Variants in MYO7B observed in about 807,000 individuals in gnomAD.
The protein encoded by MYO7B is myosin VIIB.
MYO7B carries 212 observed loss-of-function variants against 259.7 expected under a neutral mutation model. That is an observed-to-expected ratio of 0.82 (90% CI 0.73 to 0.91). The LOEUF is 0.91. Among genes scored for constraint, MYO7B ranks in the 40% least tolerant of loss-of-function variants. The pLI, the probability that MYO7B is intolerant of heterozygous loss-of-function variation, is 0.00. For missense variants in MYO7B, 2,732 were observed against 2,813.5 expected (o/e 0.97, Z 0.66); for synonymous variants, 1,197 against 1,166.4 (o/e 1.03, Z -0.54).
chr2:127,608,458 G>A (rs896384832), intron 21 of MYO7B, among the ~76,000 whole-genome samples: 3 of 152,200 alleles, frequency 2.0e-5, no homozygotes, highest in African/African-American at 7.2e-5. Flanking sequence ...CTGAGGGTAG[G>A]GACAAGCCAG....
Position 127,629,874 on chromosome 2 carries a change from G to A in MYO7B, c.4806+48G>A. On this transcript the variant is annotated intron_variant, in intron 35 of 47. Coordinates refer to ENST00000409816, the MANE Select transcript of MYO7B (RefSeq NM_001393586.1). ...CTCAGCCTGGGTACCCGAGGTCAGGGTGGAGCAGTCCTGGGATGCCTAGTT... is the reference window on the plus strand; with the variant it reads ...CTCAGCCTGGGTACCCGAGGTCAGGATGGAGCAGTCCTGGGATGCCTAGTT... 3 of 1,512,492 alleles carry A rather than the reference G, an allele frequency of 2.0e-6. No individual in the cohort carries two copies. The South Asian group carries it at 4.0e-5, about 20-fold the overall frequency. 93.7% of individuals were successfully genotyped at this position (1,512,492 alleles called of 1,614,324 possible). A position where few individuals can be genotyped will look rare whatever the true frequency, so the allele number is the denominator to read the frequency against.
Position 127,627,094 on chromosome 2 carries a change from T to G in MYO7B, c.4333+2T>G. The stretch of plus-strand genomic sequence containing the variant: ...TCTTCGAAGTCATCACACTCTCAGG[T>G]AATGGCATCTGACAGGGGGCAGGGA... On this transcript the variant is annotated splice_donor_variant, in intron 32 of 47. Coordinates refer to ENST00000409816, the MANE Select transcript of MYO7B (RefSeq NM_001393586.1). LOFTEE classifies it high-confidence loss of function. This position sits in a 1 kb window ranked among gnomAD's most constrained non-coding sequence, Gnocchi z 5.6. 1 of 1,609,694 alleles carries G rather than the reference T, an allele frequency of 6.2e-7. No individual in the cohort carries two copies. Among genetic ancestry groups the G allele is most frequent in the South Asian group, 1.1e-5 (1 of 90,356 alleles).
chr2:127,541,028 G>T (rs1692984404), intron 1 of MYO7B, among the ~76,000 whole-genome samples: 1 of 152,156 alleles, frequency 6.6e-6, no homozygotes, highest in Non-Finnish European at 1.5e-5. Flanking sequence ...CTATAATGTG[G>T]GATATCTCTC....
At position 127,631,633 on chromosome 2, in the gene MYO7B, G is replaced by C; in HGVS notation, c.5129G>C (p.Arg1710Pro). Residue 1710 changes from arginine (R) to proline (P), a missense_variant, in exon 38 of 48, where the codon CGG becomes CCG. Arg to Pro is a moderately radical substitution (Grantham distance 103, BLOSUM62 -2). Transcript: ENST00000409816. Reference sequence around the variant, plus strand: ...CGGTACATGGGCGACTACCCTTCTCGGCAGGCCTGGCCCACCCTGGAGCTC... The same window carrying C: ...CGGTACATGGGCGACTACCCTTCTCCGCAGGCCTGGCCCACCCTGGAGCTC... ...ILRYMGDYPS[R>P]QAWPTLELTD... 6.2e-7 allele frequency: 1 copy of C among 1,613,076 alleles called. No individual in the cohort carries two copies. Among genetic ancestry groups the C allele is most frequent in the Non-Finnish European group, 8.5e-7 (1 of 1,179,836 alleles).
intron 20 of MYO7B, among the ~76,000 whole-genome samples, chr2:127,606,308 G>A (rs1433192889): frequency 6.6e-6 from 1 of 152,134 alleles, no homozygotes; most frequent in Non-Finnish European, 1.5e-5. Context: ...CTTAACCACG[G>A]GCATTTGCTA....
At chr2:127,554,756 T>C (rs749532226) in intron 1 of MYO7B, among the ~76,000 whole-genome samples, 26 of 152,148 alleles carry the variant, frequency 1.7e-4, no homozygotes, top group Non-Finnish European at 2.8e-4. Flanking sequence ...ATGTCAGTCT[T>C]GCTGCTTATT....
intron 14 of MYO7B, among the ~76,000 whole-genome samples, chr2:127,587,074 T>G (rs1462073874): frequency 6.6e-6 from 1 of 152,070 alleles, no homozygotes; most frequent in East Asian, 1.9e-4. Flanking sequence ...GCTGTGCAGG[T>G]GTGCACAGAG....
rs370724652 is a variant in MYO7B at position 127,549,133 on chromosome 2, CTT to C, written c.-23-10565_-23-10564del. 6.1e-3 allele frequency among the ~76,000 whole-genome samples: 903 copies of C among 147,154 alleles called. 9 individuals are homozygous for C. Among genetic ancestry groups the C allele is most frequent in the African/African-American group, 0.021 (837 of 39,626 alleles). ...TACTCCAACTCTCTCTTCTTTCTCT[CTT>C]TCTTTCTTCTTTCTTCCTTCCTTCC... is the stretch of plus-strand genomic sequence containing the variant. On this transcript the variant is annotated intron_variant, in intron 1 of 47. Coordinates refer to ENST00000409816, the MANE Select transcript of MYO7B (RefSeq NM_001393586.1).
chr2:127,620,371 C>A lies in MYO7B; in HGVS notation c.3430C>A (p.Leu1144Ile). 1 of 1,612,854 alleles carries A rather than the reference C, an allele frequency of 6.2e-7. No homozygotes were observed. The highest frequency in any genetic ancestry group is 1.7e-4 in the Middle Eastern group (1 of 6,058). ...DEIYCQICKQ[L>I]SENFKTSSLA... is the part of the protein sequence containing the mutation. Reference sequence around the variant, plus strand: ...GATTTACTGCCAGATCTGCAAGCAGCTCTCGGAGAACTTCAAAACAAGCAG... The same window carrying A: ...GATTTACTGCCAGATCTGCAAGCAGATCTCGGAGAACTTCAAAACAAGCAG... Residue 1144 changes from leucine (L) to isoleucine (I), a missense_variant, in exon 27 of 48, where the codon CTC (leucine) becomes ATC (isoleucine). Physicochemically the swap from Leu to Ile is conservative, Grantham distance 5 (BLOSUM62 2). Transcript: ENST00000409816.
chr2:127,624,696 C>T (rs1023423405), intron 30 of MYO7B, among the ~76,000 whole-genome samples: 3 of 152,236 alleles, frequency 2.0e-5, no homozygotes, highest in Admixed American at 6.5e-5. Flanking sequence ...GTCCTGTCAC[C>T]GCAGAGCCCT....
intron 1 of MYO7B, among the ~76,000 whole-genome samples, chr2:127,558,528 G>A (rs368289886): frequency 2.0e-5 from 3 of 152,118 alleles, no homozygotes; most frequent in African/African-American, 7.2e-5. Context: ...CTCACTATTC[G>A]AAAAGATACT....
rs745408171 is a variant in MYO7B, at chr2:127,564,226, C to A, written c.92C>A (p.Ala31Glu). Reference sequence around the variant, plus strand: ...GCCATCGGGGGCATCATCAAAGAGGCAAAGCCAGGCAAAGTCTTGGTTGAA... The same window carrying A: ...GCCATCGGGGGCATCATCAAAGAGGAAAAGCCAGGCAAAGTCTTGGTTGAA... ...GVAIGGIIKEAKPGKVLVEDD... is the reference protein window; with the variant it reads ...GVAIGGIIKEEKPGKVLVEDD... The change falls in exon 3 of 48, where the codon GCA (alanine) becomes GAA (glutamate). Residue 31 changes from alanine to glutamate, a missense_variant. By Grantham distance (107) the Ala-to-Glu change is moderately radical. Around this residue, in one of 3 missense-constraint regions of MYO7B, gnomAD observed 1,906 missense variants for 2,026.4 expected, o/e 0.94. Coordinates refer to ENST00000409816, the MANE Select transcript of MYO7B (RefSeq NM_001393586.1). 42 of 1,579,910 alleles carry A rather than the reference C, an allele frequency of 2.7e-5. No homozygotes were observed. The highest frequency in any genetic ancestry group is 3.3e-5 in the Non-Finnish European group (38 of 1,163,272).
rs1681809612 is a variant in MYO7B at position 127,636,414 on chromosome 2, T to C, written c.6123+90T>C. ...GCCCAGCGTCAACCAGCACACATCT[T>C]GGGTGGGGCTGGCCGTGAGGCTGGA... On this transcript the variant is annotated intron_variant, in intron 45 of 47. Coordinates refer to ENST00000409816, the MANE Select transcript of MYO7B (RefSeq NM_001393586.1). This position sits in a 1 kb window ranked among gnomAD's most constrained non-coding sequence, Gnocchi z 4.5. The C allele has an allele frequency of 7.0e-7, 1 of 1,438,710 alleles. No homozygotes were observed. Among genetic ancestry groups the C allele is most frequent in the African/African-American group, 1.4e-5 (1 of 71,126 alleles). 89.1% of individuals were successfully genotyped at this position (1,438,710 alleles called of 1,614,324 possible). A position where few individuals can be genotyped will look rare whatever the true frequency, so the allele number is the denominator to read the frequency against.
intron 6 of MYO7B, among the ~76,000 whole-genome samples, chr2:127,572,408 G>C (rs1213957656): frequency 1.8e-5 from 2 of 113,324 alleles, no homozygotes; most frequent in Non-Finnish European, 3.5e-5. Flanking sequence ...GACAGAGTGA[G>C]ACTGTCTCAA....
At chr2:127,570,663 C>T (rs918314286) in intron 6 of MYO7B, among the ~76,000 whole-genome samples, 7 of 152,150 alleles carry the variant, frequency 4.6e-5, no homozygotes, top group Admixed American at 4.6e-4. Context: ...TTTTGACAAA[C>T]TCATACAGGC....
At chr2:127,579,496 C>T (rs1679016240) in intron 9 of MYO7B, among the ~76,000 whole-genome samples, 1 of 152,166 alleles carries the variant, frequency 6.6e-6, no homozygotes. Flanking sequence ...GGCACCGGGG[C>T]CTGGGACAGC....
intron 19 of MYO7B, among the ~76,000 whole-genome samples, chr2:127,600,565 C>T (rs1448854105): frequency 6.6e-6 from 1 of 152,150 alleles, no homozygotes; most frequent in African/African-American, 2.4e-5. Flanking sequence ...CAAAATTTAG[C>T]TGGGTATGGT....
Position 127,585,884 on chromosome 2 carries a change from G to A in MYO7B, c.1690+971G>A, listed in dbSNP as rs192239304. ...ATTTGCACGTCTTCTTTGGAGGGAT[G>A]TCTATTTAAATGCTCTGCCTGTGTT... On this transcript the variant is annotated intron_variant, in intron 14 of 47. Coordinates refer to ENST00000409816, the MANE Select transcript of MYO7B (RefSeq NM_001393586.1). This position sits in a 1 kb window ranked among gnomAD's most constrained non-coding sequence, Gnocchi z 4.3. Among the ~76,000 whole-genome samples, 2 of 152,320 alleles carry A rather than the reference G, an allele frequency of 1.3e-5. No individual in the cohort carries two copies. Among genetic ancestry groups the A allele is most frequent in the African/African-American group, 2.4e-5 (1 of 41,578 alleles).
chr2:127,580,788 C>T lies in MYO7B; in HGVS notation c.1046C>T (p.Thr349Met), dbSNP rs371259809. The change falls in exon 10 of 48, where the codon ACG (threonine) becomes ATG (methionine). Residue 349 changes from threonine (T) to methionine (M), a missense_variant. Physicochemically the swap from Thr to Met is moderately conservative, Grantham distance 81. This residue lies in a region of MYO7B where 1,906 missense variants were observed against 2,026.4 expected (regional missense o/e 0.94). Coordinates refer to ENST00000409816, the MANE Select transcript of MYO7B (RefSeq NM_001393586.1). The stretch of plus-strand genomic sequence containing the variant: ...CTGGACGCCTCAGACGTGATGGAGA[C>T]GCCCGCCTTTCCCACCGTGATGAAG... ...ENLDASDVME[T>M]PAFPTVMKLL... is the part of the protein sequence containing the mutation. The T allele has an allele frequency of 1.4e-4, 229 of 1,613,544 alleles. 1 individual carries two copies. The highest frequency in any genetic ancestry group is 6.6e-4 in the Middle Eastern group (4 of 6,062).
Sources: allele counts gnomAD v4.1 joint callset (sites outside exome capture counted in the v4.1 genomes callset), GRCh38; gene constraint gnomAD v4.1.1; regional missense constraint gnomAD v4.1.1; non-coding constraint Gnocchi (gnomAD v3.1); transcripts MANE v1.5; gene names NCBI Gene and HGNC (gene_info 2026-07-23, HGNC 2026-07-21).